Variants in PIM1 observed in about 807,000 individuals in gnomAD.
PIM1 encodes the protein Pim-1 proto-oncogene, serine/threonine kinase.
A neutral mutation model predicts 34.5 loss-of-function variants in PIM1; 9 were observed. That is an observed-to-expected ratio of 0.26 (90% CI 0.16 to 0.46). The LOEUF is 0.46. Ranked by LOEUF, PIM1 falls within the 20% of genes least tolerant of loss-of-function variation. PIM1 has a pLI of 1.00. For missense variants in PIM1, 274 were observed against 410.9 expected (o/e 0.67, Z 2.88); for synonymous variants, 199 against 175.2 (o/e 1.14, Z -1.07).
In PIM1 at chr6:37,175,177, G is replaced by C. The variant is rs537193396; in HGVS notation, c.*1086G>C. The C allele has an allele frequency of 6.0e-5, 14 of 233,594 alleles. No individual in the cohort carries two copies. Among genetic ancestry groups the C allele is most frequent in the African/African-American group, 2.6e-4 (12 of 45,322 alleles). 14.5% of individuals were successfully genotyped at this position (233,594 alleles called of 1,614,324 possible). On this transcript the variant is annotated 3_prime_UTR_variant, in exon 6 of 6. Coordinates refer to ENST00000373509, the MANE Select transcript of PIM1 (RefSeq NM_002648.4). ...GCTGCAGCTCCCTGGCTTCTGTGGG[G>C]CCCCTCACCTACTTACCCAGGTGGG...
Position 37,174,001 on chromosome 6 carries a change from C to T in PIM1, c.852C>T (p.Ile284=), listed in dbSNP as rs768347627. The part of the protein sequence containing the change: ...RPSDRPTFEE[I]QNHPWMQDVL... ...CAGATAGGCCAACCTTCGAAGAAATCCAGAACCATCCATGGATGCAAGATG... is the reference window on the plus strand; with the variant it reads ...CAGATAGGCCAACCTTCGAAGAAATTCAGAACCATCCATGGATGCAAGATG... Residue 284 remains isoleucine (I), a synonymous_variant, in exon 6 of 6, where the codon ATC becomes ATT. Transcript: ENST00000373509. 1 of 1,614,100 alleles carries T rather than the reference C, an allele frequency of 6.2e-7. No individual in the cohort carries two copies. Among genetic ancestry groups the T allele is most frequent in the Non-Finnish European group, 8.5e-7 (1 of 1,179,966 alleles).
At position 37,173,918 on chromosome 6, in the gene PIM1, A is replaced by G. The variant is rs768476438; in HGVS notation, c.785-16A>G. ...AGTTGAGTCATTCATAACCTCGTCTATCCTCCTTTCTGCAGAATGTCAGCA... is the reference window on the plus strand; with the variant it reads ...AGTTGAGTCATTCATAACCTCGTCTGTCCTCCTTTCTGCAGAATGTCAGCA... On this transcript the variant is annotated splice_polypyrimidine_tract_variant and intron_variant, in intron 5 of 5. Transcript: ENST00000373509. 4 of 1,605,896 alleles carry G rather than the reference A, an allele frequency of 2.5e-6. No individual in the cohort carries two copies. The highest frequency in any genetic ancestry group is 3.4e-6 in the Non-Finnish European group (4 of 1,175,828).
Position 37,173,118 on chromosome 6 carries a change from C to T in PIM1, c.730C>T (p.His244Tyr). Reference protein sequence around the residue: ...DMVCGDIPFEHDEEIIRGQVF... With the variant: ...DMVCGDIPFEYDEEIIRGQVF... ...GGTGTGTGGAGATATTCCTTTCGAGCATGACGAAGAGATCATCAGGGGCCA... is the reference window on the plus strand; with the variant it reads ...GGTGTGTGGAGATATTCCTTTCGAGTATGACGAAGAGATCATCAGGGGCCA... The change falls in exon 5 of 6, where the codon CAT becomes TAT. Residue 244 changes from histidine to tyrosine, a missense_variant. Physicochemically the swap from His to Tyr is moderately conservative, Grantham distance 83. This residue lies in a region of PIM1 where 168 missense variants were observed against 299.4 expected (regional missense o/e 0.56). Transcript: ENST00000373509. 6.2e-7 allele frequency: 1 copy of T among 1,614,142 alleles called. No homozygotes were observed.
intron 5 of PIM1, 39 bp from the exon 6 acceptor site, chr6:37,173,895 T>C: frequency 6.3e-7 from 1 of 1,578,306 alleles, no homozygotes; most frequent in South Asian, 1.2e-5. Context: ...TAAAAACAAG[T>C]TGAGTCATTC....
intron 4 of PIM1, 86 bp from the exon 5 acceptor site, chr6:37,172,910 A>G (rs1762332025): frequency 8.5e-7 from 1 of 1,173,288 alleles, no homozygotes; most frequent in Non-Finnish European, 1.2e-6. Context: ...TTTTTTTTTA[A>G]AAGAAAGAGT....
rs930328264 is a variant in PIM1, at chr6:37,172,929, C to A, written c.608-67C>A. 1.7e-4 allele frequency: 229 copies of A among 1,338,624 alleles called. 1 individual carries two copies. Among genetic ancestry groups the A allele is most frequent in the Non-Finnish European group, 1.0e-4 (97 of 939,354 alleles). 82.9% of individuals were successfully genotyped at this position (1,338,624 alleles called of 1,614,324 possible). Reference sequence around the variant, plus strand: ...TTTTTAAAAGAAAGAGTTATATATACCACCCAGCTTCTTTGTGCTTGTTTT... The same window carrying A: ...TTTTTAAAAGAAAGAGTTATATATAACACCCAGCTTCTTTGTGCTTGTTTT... On this transcript the variant is annotated intron_variant, in intron 4 of 5. Transcript: ENST00000373509.
rs2113768442 is a variant in PIM1 at position 37,170,166 on chromosome 6, G to A, written c.-410G>A. On this transcript the variant is annotated 5_prime_UTR_variant, in exon 1 of 6. Coordinates refer to ENST00000373509, the MANE Select transcript of PIM1 (RefSeq NM_002648.4). Reference sequence around the variant, plus strand: ...TCCTCCCCTTTACTCCTGGCTGCGGGGCGAGCCGGGCGTCTGCTGCAGCGG... The same window carrying A: ...TCCTCCCCTTTACTCCTGGCTGCGGAGCGAGCCGGGCGTCTGCTGCAGCGG... 6 of 959,130 alleles carry A rather than the reference G, an allele frequency of 6.3e-6. No individual in the cohort carries two copies. Among genetic ancestry groups the A allele is most frequent in the East Asian group, 5.3e-5 (1 of 18,778 alleles). 59.4% of individuals were successfully genotyped at this position (959,130 alleles called of 1,614,324 possible).
rs756049239 is a variant in PIM1 at position 37,170,813 on chromosome 6, C to T, written c.123C>T (p.Gly41=). 2.9e-5 allele frequency: 47 copies of T among 1,612,886 alleles called. No individual in the cohort carries two copies. The highest frequency in any genetic ancestry group is 3.9e-5 in the Non-Finnish European group (46 of 1,179,684). The part of the protein sequence containing the change: ...KEPLESQYQV[G]PLLGSGGFGS... ...CCCTGGAGTCGCAGTACCAGGTGGG[C>T]CCGCTACTGGGCAGCGGCGGCTTCG... Residue 41 remains glycine (G), a synonymous_variant, in exon 2 of 6, where the codon GGC becomes GGT. Transcript: ENST00000373509.
At chr6:37,172,920 T>C (rs1762332366) in intron 4 of PIM1, 76 bp from the exon 5 acceptor site, 3 of 1,247,298 alleles carry the variant, frequency 2.4e-6, no homozygotes, top group East Asian at 2.3e-5. Context: ...AAAGAAAGAG[T>C]TATATATACC....
At position 37,171,053 on chromosome 6, in the gene PIM1, C is replaced by T. The variant is rs760742132; in HGVS notation, c.240+22C>T. ...GCTGGTGAGTGCCCTGCAGGAGCGA[C>T]CCCCAGGATGAGTGGGTGGGGTGAG... On this transcript the variant is annotated intron_variant, in intron 3 of 5. Transcript: ENST00000373509. 7.4e-6 allele frequency: 12 copies of T among 1,613,834 alleles called. No individual in the cohort carries two copies. The African/African-American group carries it at 9.3e-5, about 13-fold the overall frequency.
At chr6:37,170,688 A>T in intron 1 of PIM1, 31 bp downstream of exon 1, 1 of 1,605,704 alleles carries the variant, frequency 6.2e-7, no homozygotes, top group Non-Finnish European at 8.5e-7. Flanking sequence ...CGGCCCGGGG[A>T]TGCGGGGCGG....
In PIM1 at chr6:37,173,994, A is replaced by T. The variant is rs141695323; in HGVS notation, c.845A>T (p.Glu282Val). 6.2e-7 allele frequency: 1 copy of T among 1,613,982 alleles called. No homozygotes were observed. The highest frequency in any genetic ancestry group is 1.3e-5 in the African/African-American group (1 of 74,896). ...ALRPSDRPTF[E>V]EIQNHPWMQD... ...AGACCATCAGATAGGCCAACCTTCGAAGAAATCCAGAACCATCCATGGATG... is the reference window on the plus strand; with the variant it reads ...AGACCATCAGATAGGCCAACCTTCGTAGAAATCCAGAACCATCCATGGATG... The change falls in exon 6 of 6, where the codon GAA becomes GTA. Residue 282 changes from glutamate to valine, a missense_variant. Transcript: ENST00000373509.
At chr6:37,170,905 G>C (rs376568290) in intron 2 of PIM1, 26 bp downstream of exon 2, 1 of 1,612,000 alleles carries the variant, frequency 6.2e-7, no homozygotes, top group Admixed American at 1.7e-5. Flanking sequence ...GCGGTGGGGA[G>C]GGCGCGCCGG....
rs1762377197 is a variant in PIM1 at position 37,174,769 on chromosome 6, G to A, written c.*678G>A. ...TCCGAGTGAACTGGTCTTCCTTTTT[G>A]GTTTTTACTTAACTGTTTCAAAGCC... On this transcript the variant is annotated 3_prime_UTR_variant, in exon 6 of 6. Coordinates refer to ENST00000373509, the MANE Select transcript of PIM1 (RefSeq NM_002648.4). 11 of 233,536 alleles carry A rather than the reference G, an allele frequency of 4.7e-5. No homozygotes were observed. The East Asian group carries it at 6.6e-4, about 14-fold the overall frequency. 14.5% of individuals were successfully genotyped at this position (233,536 alleles called of 1,614,324 possible). A position where few individuals can be genotyped will look rare whatever the true frequency, so the allele number is the denominator to read the frequency against.
rs33989191 is a variant in PIM1, at chr6:37,171,310, G to C, written c.426G>C (p.Glu142Asp). 742 of 1,614,138 alleles carry C rather than the reference G, an allele frequency of 4.6e-4. 5 individuals are homozygous for C. The African/African-American group carries it at 8.7e-3, about 19-fold the overall frequency. The change falls in exon 4 of 6, where the codon GAG becomes GAC. Residue 142 changes from glutamate (E) to aspartate (D), a missense_variant. Coordinates refer to ENST00000373509, the MANE Select transcript of PIM1 (RefSeq NM_002648.4). ...CGGAAAGGGGAGCCCTGCAAGAGGA[G>C]CTGGCCCGCAGCTTCTTCTGGCAGG... ...FITERGALQE[E>D]LARSFFWQVL...
In PIM1 at chr6:37,170,575, G is replaced by A. The variant is rs1355935456; in HGVS notation, c.-1G>A. 6.2e-7 allele frequency: 1 copy of A among 1,613,016 alleles called. No individual in the cohort carries two copies. Among genetic ancestry groups the A allele is most frequent in the Admixed American group, 1.7e-5 (1 of 60,002 alleles). On this transcript the variant is annotated 5_prime_UTR_variant, in exon 1 of 6. Coordinates refer to ENST00000373509, the MANE Select transcript of PIM1 (RefSeq NM_002648.4). ...CCTGCGCCGACATCCTGGAGGTTGG[G>A]ATGCTCTTGTCCAAAATCAACTCGC...
Sources: gnomAD v4.1 joint callset for allele counts on GRCh38, gnomAD v4.1.1 for gene constraint, gnomAD v4.1.1 regional missense constraint, MANE v1.5 for transcripts, NCBI Gene and HGNC (gene_info 2026-07-23, HGNC 2026-07-21) for gene names.